Variants in TBC1D22B observed in about 807,000 individuals in gnomAD.
TBC1D22B encodes the protein TBC1 domain family member 22B, also known as chromosome 6 open reading frame 197.
A neutral mutation model predicts 69.1 loss-of-function variants in TBC1D22B; 32 were observed. The observed-to-expected ratio is 0.46, with a 90% confidence interval of 0.35 to 0.62. The LOEUF is 0.62. Ranked by LOEUF, TBC1D22B falls within the 20% of genes least tolerant of loss-of-function variation. TBC1D22B has a pLI of 0.00. For missense variants in TBC1D22B, 462 were observed against 630.9 expected, an observed-to-expected ratio of 0.73 and a Z score of 2.87; for synonymous variants, 206 against 229.8, an observed-to-expected ratio of 0.90 and a Z score of 0.94.
At chr6:37,323,994 G>A (rs1220521062) in intron 12 of TBC1D22B, among the ~76,000 whole-genome samples, 2 of 152,206 alleles carry the variant, frequency 1.3e-5, no homozygotes, top group Non-Finnish European at 2.9e-5. Context: ...CTCTCAACAA[G>A]CTTATATCAT....
At chr6:37,271,090 A>AT (rs1349704080) in intron 2 of TBC1D22B, among the ~76,000 whole-genome samples, 2 of 152,142 alleles carry the variant, frequency 1.3e-5, no homozygotes, top group South Asian at 2.1e-4. Context: ...AGGTGGGCGG[A>AT]TCACTTGAGG....
chr6:37,313,225 C>G (rs938289909), intron 9 of TBC1D22B, among the ~76,000 whole-genome samples: 1 of 152,192 alleles, frequency 6.6e-6, no homozygotes, highest in Non-Finnish European at 1.5e-5. Flanking sequence ...CACGGTGGCT[C>G]ACGCCTGTAA....
In TBC1D22B at chr6:37,257,905, C is replaced by G. The variant is rs1188118557; in HGVS notation, c.-13C>G. 3 of 1,613,216 alleles carry G rather than the reference C, an allele frequency of 1.9e-6. No homozygotes were observed. Among genetic ancestry groups the G allele is most frequent in the Admixed American group, 1.7e-5 (1 of 59,928 alleles). ...CCTTGGCCCGCCTACAAGGACTTCC[C>G]CCGGCCAGAGCAATGGCCGCTGAGA... On this transcript the variant is annotated 5_prime_UTR_variant, in exon 1 of 13. Coordinates refer to ENST00000373491, the MANE Select transcript of TBC1D22B (RefSeq NM_017772.4).
Position 37,282,175 on chromosome 6 carries a change from A to G in TBC1D22B, c.422-10A>G. On this transcript the variant is annotated splice_polypyrimidine_tract_variant and intron_variant, in intron 3 of 12. Transcript: ENST00000373491. ...ACAGCCCGTTCTCTTTCTTTTTCAA[A>G]TGATCTCAGGTGATACATGCCTGAG... 1 of 1,614,104 alleles carries G rather than the reference A, an allele frequency of 6.2e-7. No homozygotes were observed. Among genetic ancestry groups the G allele is most frequent in the Non-Finnish European group, 8.5e-7 (1 of 1,179,946 alleles).
chr6:37,278,341 G>A (rs1023554992), intron 2 of TBC1D22B, among the ~76,000 whole-genome samples: 1 of 152,092 alleles, frequency 6.6e-6, no homozygotes, highest in African/African-American at 2.4e-5. Flanking sequence ...ATAAAAAATG[G>A]AACAACTTTT....
intron 5 of TBC1D22B, among the ~76,000 whole-genome samples, chr6:37,283,937 G>C (rs1766925656): frequency 6.6e-6 from 1 of 152,234 alleles, no homozygotes; most frequent in South Asian, 2.1e-4. Context: ...GTGCTGTAGA[G>C]GTTGCTATAT....
intron 10 of TBC1D22B, 100 bp from the exon 11 acceptor site, chr6:37,316,603 G>T: frequency 7.2e-7 from 1 of 1,384,830 alleles, no homozygotes. Context: ...GCTTACCCAT[G>T]GGAGGGGGCA....
chr6:37,315,211 G>A (rs1382833778), intron 10 of TBC1D22B, among the ~76,000 whole-genome samples: 1 of 152,158 alleles, frequency 6.6e-6, no homozygotes, highest in Non-Finnish European at 1.5e-5. Context: ...TGGAATAGTG[G>A]ATTTTTAAGT....
In TBC1D22B at chr6:37,279,388, C is replaced by T. The variant is rs775969405; in HGVS notation, c.198C>T (p.Thr66=). 1.9e-6 allele frequency: 3 copies of T among 1,614,156 alleles called. No homozygotes were observed. The Admixed American group carries it at 5.0e-5, about 27-fold the overall frequency. Residue 66 remains threonine, a synonymous_variant, in exon 3 of 13, where the codon ACC becomes ACT. Transcript: ENST00000373491. The part of the protein sequence containing the change: ...ASSFHEFARN[T]SDAWDIGDDE... ...GTTTTCATGAGTTTGCACGGAATAC[C>T]AGTGATGCTTGGGACATTGGCGATG...
At chr6:37,277,273 G>A (rs774615052) in intron 2 of TBC1D22B, among the ~76,000 whole-genome samples, 1 of 152,140 alleles carries the variant, frequency 6.6e-6, no homozygotes, top group Non-Finnish European at 1.5e-5. Flanking sequence ...ATACTCCTGG[G>A]TGTTATATTA....
intron 12 of TBC1D22B, among the ~76,000 whole-genome samples, chr6:37,323,102 G>A (rs1008390771): frequency 1.3e-5 from 2 of 152,216 alleles, no homozygotes; most frequent in Admixed American, 1.3e-4. Flanking sequence ...AGCAGCAGCA[G>A]CAGCGAAGCC....
At chr6:37,267,447 AATATAT>A (rs796841147) in intron 1 of TBC1D22B, among the ~76,000 whole-genome samples, 1 of 142,314 alleles carries the variant, frequency 7.0e-6, no homozygotes, top group Non-Finnish European at 1.5e-5. Context: ...ACACATATAT[AATATAT>A]ATATACACAT....
intron 8 of TBC1D22B, among the ~76,000 whole-genome samples, chr6:37,291,752 C>T (rs982110473): frequency 1.3e-5 from 2 of 152,134 alleles, no homozygotes; most frequent in African/African-American, 2.4e-5. Context: ...AGGATGTGGA[C>T]GTGCAGAGGA....
intron 2 of TBC1D22B, among the ~76,000 whole-genome samples, chr6:37,272,344 C>G (rs544426570): frequency 2.0e-5 from 3 of 149,696 alleles, no homozygotes; most frequent in Non-Finnish European, 4.4e-5. Flanking sequence ...GGATTGCAGG[C>G]AAGAGCCACT....
chr6:37,289,484 G>A (rs567317502), intron 7 of TBC1D22B, among the ~76,000 whole-genome samples: 2 of 152,312 alleles, frequency 1.3e-5, no homozygotes, highest in East Asian at 3.9e-4. Flanking sequence ...TACCATGTGA[G>A]TGTGTCTGTG....
intron 5 of TBC1D22B, 136 bp from the exon 6 acceptor site, chr6:37,284,200 G>T: frequency 1.5e-6 from 2 of 1,372,242 alleles, no homozygotes; most frequent in Non-Finnish European, 2.0e-6. Context: ...AAAATGGGTG[G>T]CCAGAACCAA....
In TBC1D22B at chr6:37,285,794, G is replaced by A. The variant is rs575922087; in HGVS notation, c.802-1213G>A. On this transcript the variant is annotated intron_variant, in intron 6 of 12. Coordinates refer to ENST00000373491, the MANE Select transcript of TBC1D22B (RefSeq NM_017772.4). ...AGGTATGAGCCACCATGTAATTTTT[G>A]TAATTTTAGTGGAGACGGGGTTTCA... Among the ~76,000 whole-genome samples, 71 of 152,158 alleles carry A rather than the reference G, an allele frequency of 4.7e-4. 1 individual carries two copies. The highest frequency in any genetic ancestry group is 1.6e-3 in the African/African-American group (66 of 41,528).
At chr6:37,297,368 C>T (rs1243644777) in intron 8 of TBC1D22B, among the ~76,000 whole-genome samples, 1 of 152,174 alleles carries the variant, frequency 6.6e-6, no homozygotes, top group Non-Finnish European at 1.5e-5. Context: ...CAAGCAGTAA[C>T]ATTACACTGG....
At chr6:37,267,421 C>T (rs1328357518) in intron 1 of TBC1D22B, among the ~76,000 whole-genome samples, 2 of 130,264 alleles carry the variant, frequency 1.5e-5, no homozygotes, top group African/African-American at 5.9e-5. Flanking sequence ...TATATATACA[C>T]ATATAATATA....
Sources: gnomAD v4.1 joint callset for allele counts (sites outside exome capture counted in the v4.1 genomes callset) on GRCh38, gnomAD v4.1.1 for gene constraint, MANE v1.5 for transcripts, NCBI Gene and HGNC (gene_info 2026-07-23, HGNC 2026-07-21) for gene names.